The following NRG3 variants were observed in gnomAD, a reference collection of about 807,000 sequenced individuals.
NRG3 encodes the protein pro-neuregulin-3, membrane-bound isoform.
NRG3 carries 31 observed loss-of-function variants against 66.9 expected under a neutral mutation model. That is an observed-to-expected ratio of 0.46 (90% CI 0.35 to 0.63). The LOEUF is 0.63. NRG3 is among the 20% of genes least tolerant of loss of function. The probability of loss-of-function intolerance (pLI) is 0.00; values close to 1 mark genes in which losing one functional copy is unlikely to be tolerated. For synonymous variants in NRG3, 393 were observed against 359.4 expected, an observed-to-expected ratio of 1.09 and a Z score of -1.06; for missense variants, 910 against 878.9, an observed-to-expected ratio of 1.04 and a Z score of -0.45.
intron 2 of NRG3, among the ~76,000 whole-genome samples, chr10:82,663,867 A>G (rs1410923187): frequency 6.6e-6 from 1 of 152,172 alleles, no homozygotes; most frequent in Non-Finnish European, 1.5e-5. Flanking sequence ...GAGTTTGAAA[A>G]ACCAATGGCA....
intron 2 of NRG3, among the ~76,000 whole-genome samples, chr10:82,467,092 C>T (rs954006413): frequency 2.0e-5 from 3 of 151,630 alleles, no homozygotes; most frequent in African/African-American, 7.3e-5. Context: ...ACCTGTTCCC[C>T]AGCAGATAGA....
At chr10:82,644,706 G>A in intron 2 of NRG3, among the ~76,000 whole-genome samples, 1 of 152,230 alleles carries the variant, frequency 6.6e-6, no homozygotes, top group East Asian at 1.9e-4. Flanking sequence ...CAGAATGTGT[G>A]TGTCTATGGA....
intron 4 of NRG3, 118 bp from the exon 5 acceptor site, chr10:82,951,351 G>A: frequency 1.4e-6 from 1 of 693,028 alleles, no homozygotes; most frequent in Non-Finnish European, 2.5e-6. Flanking sequence ...CCCTATTTAT[G>A]ACAGAAACCA....
chr10:82,775,773 C>G (rs1237319510), intron 3 of NRG3, among the ~76,000 whole-genome samples: 1 of 151,978 alleles, frequency 6.6e-6, no homozygotes, highest in African/African-American at 2.4e-5. Flanking sequence ...GTATTGTTAT[C>G]TATTTATTAT....
chr10:81,882,044 C>A (rs1383873942), intron 1 of NRG3, among the ~76,000 whole-genome samples: 1 of 152,186 alleles, frequency 6.6e-6, no homozygotes, highest in Non-Finnish European at 1.5e-5. Flanking sequence ...CTACAATTAT[C>A]TTTCATTTCC....
chr10:82,661,166 G>A (rs1237608822), intron 2 of NRG3, among the ~76,000 whole-genome samples: 1 of 151,988 alleles, frequency 6.6e-6, no homozygotes, highest in Non-Finnish European at 1.5e-5. Flanking sequence ...ATTACTCACT[G>A]GGCTCTTACT....
intron 1 of NRG3, among the ~76,000 whole-genome samples, chr10:82,331,387 C>G (rs1297480472): frequency 6.6e-6 from 1 of 152,150 alleles, no homozygotes; most frequent in Non-Finnish European, 1.5e-5. Context: ...CTGGACCACA[C>G]TATAAAAATT....
At chr10:82,654,141 A>G (rs1320609819) in intron 2 of NRG3, among the ~76,000 whole-genome samples, 6 of 152,164 alleles carry the variant, frequency 3.9e-5, no homozygotes, top group African/African-American at 1.4e-4. Flanking sequence ...AAGTGAATAC[A>G]TCATGGTGAT....
intron 1 of NRG3, among the ~76,000 whole-genome samples, chr10:82,315,935 C>T (rs2081270947): frequency 6.6e-6 from 1 of 152,146 alleles, no homozygotes; most frequent in African/African-American, 2.4e-5. Context: ...GTGGGAGCCA[C>T]TGCGCCCGGC....
chr10:82,473,244 T>G (rs541753814), intron 2 of NRG3, among the ~76,000 whole-genome samples: 1 of 152,252 alleles, frequency 6.6e-6, no homozygotes, highest in Admixed American at 6.5e-5. Context: ...GAGCTGTGTG[T>G]TTTAGTGGGT....
chr10:82,595,185 A>C (rs117104761), intron 2 of NRG3, among the ~76,000 whole-genome samples: 4,161 of 152,210 alleles, frequency 0.027, 91 homozygotes, highest in Middle Eastern at 0.075. Context: ...AGTTCCTTCT[A>C]ATTGAAAAGA....
intron 1 of NRG3, among the ~76,000 whole-genome samples, chr10:82,061,348 C>T (rs1305692779): frequency 1.3e-5 from 2 of 151,128 alleles, no homozygotes; most frequent in Non-Finnish European, 2.9e-5. Context: ...AAGATTTTCC[C>T]TCTCAAACAA....
chr10:81,939,075 T>C (rs1366556106), intron 1 of NRG3, among the ~76,000 whole-genome samples: 1 of 152,088 alleles, frequency 6.6e-6, no homozygotes, highest in Non-Finnish European at 1.5e-5. Context: ...TGATTTTTCA[T>C]ATGTTGAACC....
intron 2 of NRG3, among the ~76,000 whole-genome samples, chr10:82,429,081 A>G (rs1194137927): frequency 6.6e-6 from 1 of 152,030 alleles, no homozygotes; most frequent in African/African-American, 2.4e-5. Flanking sequence ...ATTTATAACA[A>G]TCTAATTGGA....
chr10:82,488,410 T>C (rs1235494097), intron 2 of NRG3, among the ~76,000 whole-genome samples: 1 of 152,182 alleles, frequency 6.6e-6, no homozygotes, highest in Non-Finnish European at 1.5e-5. Context: ...GCAAGTAAAA[T>C]TTAAATAAAT....
chr10:82,347,045 G>GT (rs2083075675), intron 1 of NRG3, among the ~76,000 whole-genome samples: 2 of 151,424 alleles, frequency 1.3e-5, no homozygotes, highest in Admixed American at 6.6e-5. Context: ...TTTTTGAAGG[G>GT]TTTTTTGTGT....
At chr10:82,065,028 C>A (rs2064372491) in intron 1 of NRG3, among the ~76,000 whole-genome samples, 1 of 152,144 alleles carries the variant, frequency 6.6e-6, no homozygotes, top group Non-Finnish European at 1.5e-5. Context: ...TGAGCAGTAT[C>A]AGAGACAAAT....
rs141616356 is a variant in NRG3 at position 82,681,276 on chromosome 10, TA to T, written c.954-57300del. 8.2e-3 allele frequency among the ~76,000 whole-genome samples: 1,243 copies of T among 152,346 alleles called. 14 individuals carry two copies. Among genetic ancestry groups the T allele is most frequent in the African/African-American group, 0.028 (1,178 of 41,578 alleles). The stretch of plus-strand genomic sequence containing the variant: ...TTGACTGATTCTGTACAATTTACTA[TA>T]TTTTCTGAAACTCAGTTTCCTCATT... On this transcript the variant is annotated intron_variant, in intron 2 of 8. Transcript: ENST00000372141.
intron 1 of NRG3, among the ~76,000 whole-genome samples, chr10:82,112,454 G>A (rs886961410): frequency 2.0e-5 from 3 of 152,170 alleles, no homozygotes; most frequent in Admixed American, 6.5e-5. Context: ...CTTTGTTTCC[G>A]ATTTTATGGG....
Sources: gnomAD v4.1 joint callset for allele counts (sites outside exome capture counted in the v4.1 genomes callset) on GRCh38, gnomAD v4.1.1 for gene constraint, MANE v1.5 for transcripts, NCBI Gene and HGNC (gene_info 2026-07-23, HGNC 2026-07-21) for gene names.